The following DCBLD2 variants were observed in gnomAD, a reference collection of about 807,000 sequenced individuals.
DCBLD2 encodes the protein discoidin, CUB and LCCL domain containing 2.
DCBLD2 carries 54 observed loss-of-function variants against 86.8 expected under a neutral mutation model. The observed-to-expected ratio is 0.62, with a 90% CI of 0.50 to 0.78. The LOEUF is 0.78. Among genes scored for constraint, DCBLD2 ranks in the 30% least tolerant of loss-of-function variants. The probability of loss-of-function intolerance (pLI) is 0.00; values close to 1 mark genes in which losing one functional copy is unlikely to be tolerated. For missense variants in DCBLD2, 908 were observed against 954.2 expected (o/e 0.95, Z 0.64); for synonymous variants, 354 against 341.3 (o/e 1.04, Z -0.41).
chr3:98,813,939 T>C (rs1287636146), intron 9 of DCBLD2: 4 of 152,206 alleles, frequency 2.6e-5, no homozygotes, highest in Non-Finnish European at 5.9e-5. Flanking sequence ...GTCTTCCGAC[T>C]TAAGTATGGA....
intron 2 of DCBLD2, among the ~76,000 whole-genome samples, chr3:98,860,145 G>C (rs1006378719): frequency 6.6e-6 from 1 of 152,180 alleles, no homozygotes; most frequent in African/African-American, 2.4e-5. Flanking sequence ...TCAAATGAAT[G>C]AAATGAAGCC....
chr3:98,815,102 TAGAG>T (rs1345971887), intron 9 of DCBLD2: 6 of 151,712 alleles, frequency 4.0e-5, no homozygotes, highest in Admixed American at 3.3e-4. Flanking sequence ...GCTATAAAGA[TAGAG>T]TGAGTGAGAG....
At chr3:98,850,481 A>G (rs1942816185) in intron 2 of DCBLD2, among the ~76,000 whole-genome samples, 1 of 152,242 alleles carries the variant, frequency 6.6e-6, no homozygotes. Flanking sequence ...ATATATAAAA[A>G]ATAACATATC....
At chr3:98,845,019 T>C (rs2470869) in intron 3 of DCBLD2, among the ~76,000 whole-genome samples, 55,496 of 152,038 alleles carry the variant, frequency 0.37, 10,220 homozygotes, top group Middle Eastern at 0.38. Flanking sequence ...GTTGAGATTA[T>C]GCTACTTTAG....
intron 2 of DCBLD2, among the ~76,000 whole-genome samples, chr3:98,871,010 A>C (rs1943273024): frequency 6.8e-6 from 1 of 147,212 alleles, no homozygotes; most frequent in South Asian, 2.1e-4. Flanking sequence ...TCTTTGGTTA[A>C]GTATATTCCT....
chr3:98,901,030 T>A, intron 1 of DCBLD2, 92 bp downstream of exon 1: 1 of 1,527,402 alleles, frequency 6.5e-7, no homozygotes, highest in Non-Finnish European at 8.8e-7. Flanking sequence ...GCACCGCGCC[T>A]CCCTGCAGCG....
At chr3:98,811,975 A>G (rs1941947257) in intron 10 of DCBLD2, among the ~76,000 whole-genome samples, 1 of 152,192 alleles carries the variant, frequency 6.6e-6, no homozygotes, top group African/African-American at 2.4e-5. Context: ...ATTGAGATAA[A>G]TTATTCTTGC....
chr3:98,826,061 T>A (rs1457952096), intron 3 of DCBLD2, among the ~76,000 whole-genome samples: 2 of 152,174 alleles, frequency 1.3e-5, no homozygotes, highest in African/African-American at 4.8e-5. Flanking sequence ...ATAAAACTTC[T>A]AAAATTTAAC....
At chr3:98,868,092 C>T (rs370703467) in intron 2 of DCBLD2, among the ~76,000 whole-genome samples, 14 of 152,148 alleles carry the variant, frequency 9.2e-5, no homozygotes, top group Admixed American at 2.0e-4. Flanking sequence ...CGTGAGCCAC[C>T]GTGCCCGACC....
chr3:98,852,458 G>A (rs1942857190), intron 2 of DCBLD2, among the ~76,000 whole-genome samples: 1 of 152,104 alleles, frequency 6.6e-6, no homozygotes, highest in African/African-American at 2.4e-5. Flanking sequence ...TATTTGCCAG[G>A]CTGGTCTAGA....
rs1313363499 is a variant in DCBLD2, at chr3:98,870,741, G to GAAAGAAAGA, written c.433+10790_433+10798dup. 1.5e-3 allele frequency among the ~76,000 whole-genome samples: 69 copies of GAAAGAAAGA among 47,438 alleles called. 1 individual carries two copies. The highest frequency in any genetic ancestry group is 0.013 in the Middle Eastern group (1 of 80). The allele number at this position is 47,438 out of a possible 152,430, so 31.1% of individuals were successfully genotyped here. On this transcript the variant is annotated intron_variant, in intron 2 of 15. Transcript: ENST00000326840. Reference sequence around the variant, plus strand: ...AAAAGGAAAAGAAAAGAAAGAAAAAGAAAGAAAGAAAGAAAGAAAGAAAGA... The same window carrying GAAAGAAAGA: ...AAAAGGAAAAGAAAAGAAAGAAAAAGAAAGAAAGAAAAGAAAGAAAGAAAGAAAGAAAGA...
intron 8 of DCBLD2, 68 bp downstream of exon 8, chr3:98,819,134 T>C: frequency 7.1e-7 from 1 of 1,404,302 alleles, no homozygotes; most frequent in Non-Finnish European, 9.6e-7. Flanking sequence ...CTGAAAATCT[T>C]AGATGTTACT....
intron 2 of DCBLD2, among the ~76,000 whole-genome samples, chr3:98,850,318 G>A (rs116590990): frequency 1.8e-3 from 269 of 152,240 alleles, no homozygotes; most frequent in Admixed American, 6.5e-3. Context: ...TTTTGGGCAC[G>A]ATCAATCAAC....
chr3:98,859,870 C>A (rs145877873), intron 2 of DCBLD2, among the ~76,000 whole-genome samples: 1 of 152,190 alleles, frequency 6.6e-6, no homozygotes, highest in East Asian at 1.9e-4. Context: ...CAAAGCTGGA[C>A]GGAGAATGAC....
chr3:98,867,465 T>C (rs2454684), intron 2 of DCBLD2, among the ~76,000 whole-genome samples: 65,133 of 152,024 alleles, frequency 0.43, 14,121 homozygotes, highest in Non-Finnish European at 0.45. Context: ...ATATGTACAA[T>C]TTTCATGTCA....
intron 3 of DCBLD2, among the ~76,000 whole-genome samples, chr3:98,839,155 C>CTTTT (rs760056401): frequency 1.1e-5 from 1 of 88,996 alleles, no homozygotes; most frequent in African/African-American, 4.5e-5. Flanking sequence ...TTCTTTCTTT[C>CTTTT]TTTCTTTCTT....
In DCBLD2 at chr3:98,799,800, G is replaced by A; in HGVS notation, c.1900C>T (p.His634Tyr). 1 of 1,613,732 alleles carries A rather than the reference G, an allele frequency of 6.2e-7. No homozygotes were observed. Among genetic ancestry groups the A allele is most frequent in the Non-Finnish European group, 8.5e-7 (1 of 1,179,764 alleles). ...PLVGGIVGTL[H>Y]QRSTFKPEEG... ...TCTGGTTTAAAGGTAGATCTTTGAT[G>A]AAGTGTACCAACAATTCCTCCTACC... Residue 634 changes from histidine to tyrosine, a missense_variant, in exon 16 of 16, where the codon CAT becomes TAT. By Grantham distance (83) the His-to-Tyr change is moderately conservative (BLOSUM62 2). Transcript: ENST00000326840.
chr3:98,826,387 A>G (rs1251222797), intron 3 of DCBLD2, among the ~76,000 whole-genome samples: 4 of 152,110 alleles, frequency 2.6e-5, no homozygotes, highest in Non-Finnish European at 2.9e-5. Flanking sequence ...TCCCACTACT[A>G]CTTAGCTTAG....
chr3:98,810,465 G>A (rs1469286177), intron 12 of DCBLD2, among the ~76,000 whole-genome samples: 2 of 152,144 alleles, frequency 1.3e-5, no homozygotes, highest in Non-Finnish European at 2.9e-5. Context: ...TTGGATGAAC[G>A]GCTTTCTCTC....
Sources: gnomAD v4.1 joint callset for allele counts (sites outside exome capture counted in the v4.1 genomes callset) on GRCh38, gnomAD v4.1.1 for gene constraint, MANE v1.5 for transcripts, NCBI Gene and HGNC (gene_info 2026-07-23, HGNC 2026-07-21) for gene names.